Variants in CA10 observed in about 807,000 individuals in gnomAD.
The protein encoded by CA10 is carbonic anhydrase 10 (inactive), also known as carbonic anhydrase-related protein 10.
In CA10, 14 loss-of-function variants were observed where a neutral mutation model predicts 44.2. That is an observed-to-expected ratio of 0.32 (90% CI 0.21 to 0.50). The LOEUF (loss-of-function observed/expected upper bound fraction) is 0.50, where lower values mean the gene tolerates loss of function less well. Ranked by LOEUF, CA10 falls within the 20% of genes least tolerant of loss-of-function variation. The pLI is 0.99. For synonymous variants in CA10, 159 were observed against 141.6 expected (o/e 1.12, Z -0.87); for missense variants, 350 against 409.7 (o/e 0.85, Z 1.26).
At chr17:51,833,364 G>T (rs1165963774) in intron 3 of CA10, among the ~76,000 whole-genome samples, 1 of 152,122 alleles carries the variant, frequency 6.6e-6, no homozygotes, top group African/African-American at 2.4e-5. Context: ...TTTTCCAACA[G>T]CCTTTGATGC....
intron 3 of CA10, among the ~76,000 whole-genome samples, chr17:51,822,407 T>G (rs746996036): frequency 6.7e-5 from 10 of 149,450 alleles, no homozygotes; most frequent in Non-Finnish European, 1.2e-4. Flanking sequence ...AGAGCAAGAC[T>G]TTGTCTCAAA....
intron 3 of CA10, among the ~76,000 whole-genome samples, chr17:51,848,242 T>C (rs1978587352): frequency 6.6e-6 from 1 of 152,216 alleles, no homozygotes; most frequent in African/African-American, 2.4e-5. Flanking sequence ...TCCATTCAGA[T>C]TCTGTCTTGA....
rs538609038 is a variant in CA10 at position 51,813,429 on chromosome 17, T to G, written c.280-65611A>C. Among the ~76,000 whole-genome samples, 286 of 152,330 alleles carry G rather than the reference T, an allele frequency of 1.9e-3. 1 individual carries two copies. The highest frequency in any genetic ancestry group is 6.4e-3 in the African/African-American group (267 of 41,582). The stretch of plus-strand genomic sequence containing the variant: ...AGGCTGCTGTAAGGGGCCACGCCTG[T>G]GCTTACATGTGAAATAAGAAGTGGT... On this transcript the variant is annotated intron_variant, in intron 3 of 8. Transcript: ENST00000451037.
At chr17:51,869,146 TCA>T (rs1327274747) in intron 3 of CA10, among the ~76,000 whole-genome samples, 2 of 152,128 alleles carry the variant, frequency 1.3e-5, no homozygotes, top group Non-Finnish European at 2.9e-5. Context: ...AGGACTATTT[TCA>T]CAAATTAAGG....
At chr17:51,888,596 C>T (rs549743881) in intron 3 of CA10, among the ~76,000 whole-genome samples, 2 of 152,244 alleles carry the variant, frequency 1.3e-5, no homozygotes, top group Admixed American at 1.3e-4. Flanking sequence ...TCCCTTGTGT[C>T]TCTTGCTTAG....
chr17:51,667,901 T>C (rs967246330), intron 4 of CA10, among the ~76,000 whole-genome samples: 1 of 152,232 alleles, frequency 6.6e-6, no homozygotes, highest in Non-Finnish European at 1.5e-5. Context: ...GCACTCTATA[T>C]TAAGACTTCA....
chr17:51,835,387 T>C (rs577725645), intron 3 of CA10, among the ~76,000 whole-genome samples: 1 of 152,356 alleles, frequency 6.6e-6, no homozygotes, highest in South Asian at 2.1e-4. Context: ...CAAGATTTAC[T>C]TTGTGGCACT....
intron 3 of CA10, among the ~76,000 whole-genome samples, chr17:51,849,148 TATATATAC>T (rs1306054818): frequency 2.2e-5 from 3 of 138,490 alleles, no homozygotes; most frequent in East Asian, 4.1e-4. Context: ...TAGTTTTTTA[TATATATAC>T]ATATATGTAT....
At chr17:51,939,665 T>C (rs534841657) in intron 2 of CA10, among the ~76,000 whole-genome samples, 3 of 152,096 alleles carry the variant, frequency 2.0e-5, no homozygotes, top group Non-Finnish European at 4.4e-5. Flanking sequence ...CTACTAGAAA[T>C]ATTTCTAGTA....
chr17:51,833,231 C>T (rs968034210), intron 3 of CA10, among the ~76,000 whole-genome samples: 40 of 152,250 alleles, frequency 2.6e-4, no homozygotes, highest in South Asian at 1.0e-3. Context: ...AAAGGGGAGC[C>T]GGCTGGCCAT....
chr17:51,946,286 C>A (rs543293006), intron 2 of CA10, among the ~76,000 whole-genome samples: 1 of 152,246 alleles, frequency 6.6e-6, no homozygotes, highest in East Asian at 1.9e-4. Flanking sequence ...GTGCTAAGAA[C>A]AGATTTTAAG....
chr17:51,649,044 C>G (rs1277726566), intron 6 of CA10, 138 bp downstream of exon 6: 10 of 629,222 alleles, frequency 1.6e-5, no homozygotes, highest in Non-Finnish European at 2.5e-5. Context: ...ACCCTAATCT[C>G]CAGAGTGACT....
chr17:52,097,526 G>GAAA (rs1304532968), intron 1 of CA10, among the ~76,000 whole-genome samples: 1 of 152,130 alleles, frequency 6.6e-6, no homozygotes, highest in Non-Finnish European at 1.5e-5. Context: ...ACCCAAATCT[G>GAAA]TATTGTTGAT....
At chr17:51,654,913 C>G (rs910030884) in intron 4 of CA10, among the ~76,000 whole-genome samples, 2 of 151,802 alleles carry the variant, frequency 1.3e-5, no homozygotes, top group Non-Finnish European at 2.9e-5. Context: ...ATGCCCCCCC[C>G]ACCACCTCTT....
intron 3 of CA10, among the ~76,000 whole-genome samples, chr17:51,816,536 T>G (rs1269612625): frequency 6.6e-6 from 1 of 152,212 alleles, no homozygotes; most frequent in African/African-American, 2.4e-5. Context: ...CACTAACCTC[T>G]AATTGAAAGC....
intron 2 of CA10, among the ~76,000 whole-genome samples, chr17:52,069,222 C>A (rs2970042): frequency 6.6e-6 from 1 of 152,030 alleles, no homozygotes; most frequent in African/African-American, 2.4e-5. Flanking sequence ...TATCTGGGTA[C>A]GTACCTAGCC....
chr17:52,040,971 C>T (rs1413383097), intron 2 of CA10, among the ~76,000 whole-genome samples: 1 of 151,926 alleles, frequency 6.6e-6, no homozygotes, highest in Non-Finnish European at 1.5e-5. Context: ...GTATTCCCAA[C>T]AGGTAAAGGG....
intron 3 of CA10, among the ~76,000 whole-genome samples, chr17:51,843,396 T>C (rs1233688895): frequency 1.3e-5 from 2 of 152,244 alleles, no homozygotes; most frequent in African/African-American, 4.8e-5. Context: ...TTATTTTTGT[T>C]ACACTGGTTT....
intron 3 of CA10, among the ~76,000 whole-genome samples, chr17:51,919,815 C>A (rs2143969347): frequency 6.6e-6 from 1 of 152,160 alleles, no homozygotes; most frequent in Middle Eastern, 3.4e-3. Flanking sequence ...CCACACCTGG[C>A]TAATTTTTGT....
Sources: allele counts gnomAD v4.1 joint callset (sites outside exome capture counted in the v4.1 genomes callset), GRCh38; gene constraint gnomAD v4.1.1; transcripts MANE v1.5; gene names NCBI Gene and HGNC (gene_info 2026-07-23, HGNC 2026-07-21).